Variants in CRIP2 observed in about 807,000 individuals in gnomAD.
CRIP2 encodes cysteine-rich protein 2.
CRIP2 carries 31 observed loss-of-function variants against 31.3 expected under a neutral mutation model. That is an observed-to-expected ratio of 0.99 (90% CI 0.74 to 1.34). CRIP2 has a LOEUF of 1.34. CRIP2 is among the 40% of genes most tolerant of loss of function. The pLI, the probability that CRIP2 is intolerant of heterozygous loss-of-function variation, is 0.00. For synonymous variants in CRIP2, 177 were observed against 127.2 expected (o/e 1.39, Z -2.63); for missense variants, 389 against 301.6 (o/e 1.29, Z -2.15).
In CRIP2 at chr14:105,479,979, A is replaced by G; in HGVS notation, c.*326A>G. 1 of 359,014 alleles carries G rather than the reference A, an allele frequency of 2.8e-6. No individual in the cohort carries two copies. Among genetic ancestry groups the G allele is most frequent in the Non-Finnish European group, 5.2e-6 (1 of 191,282 alleles). 22.2% of individuals were successfully genotyped at this position (359,014 alleles called of 1,614,324 possible). A position where few individuals can be genotyped will look rare whatever the true frequency, so the allele number is the denominator to read the frequency against. On this transcript the variant is annotated 3_prime_UTR_variant, in exon 8 of 8. Coordinates refer to ENST00000329146, the MANE Select transcript of CRIP2 (RefSeq NM_001312.4). ...GCTCTCCCTCTCCTGCTGCCCACCCACCTGCCAGTGTTATTTATGCTCCCT... is the reference window on the plus strand; with the variant it reads ...GCTCTCCCTCTCCTGCTGCCCACCCGCCTGCCAGTGTTATTTATGCTCCCT...
chr14:105,478,552 G>C lies in CRIP2; in HGVS notation c.196+45G>C. 1 of 1,583,586 alleles carries C rather than the reference G, an allele frequency of 6.3e-7. No homozygotes were observed. The highest frequency in any genetic ancestry group is 1.8e-5 in the Admixed American group (1 of 56,336). Reference sequence around the variant, plus strand: ...GGCCTGCCCTGGGACCTGCTGGGAGGGGCGTGGCGCTGGCGCTGGGGAGGG... The same window carrying C: ...GGCCTGCCCTGGGACCTGCTGGGAGCGGCGTGGCGCTGGCGCTGGGGAGGG... On this transcript the variant is annotated intron_variant, in intron 3 of 7. Coordinates refer to ENST00000329146, the MANE Select transcript of CRIP2 (RefSeq NM_001312.4). The surrounding 1 kb of genome is among the most constrained non-coding windows in gnomAD (Gnocchi z 4.9).
chr14:105,473,109 G>A, upstream of CRIP2: 1 of 1,068,170 alleles, frequency 9.4e-7, no homozygotes, highest in Non-Finnish European at 1.3e-6. Flanking sequence ...TCCCAAGCTG[G>A]GCAGAACAGG....
rs992210438 is a variant in CRIP2, at chr14:105,479,957, C to G, written c.*304C>G. The G allele has an allele frequency of 2.3e-6, 1 of 429,262 alleles. No individual in the cohort carries two copies. Among genetic ancestry groups the G allele is most frequent in the South Asian group, 2.6e-5 (1 of 38,202 alleles). The allele number at this position is 429,262 out of a possible 1,614,324, so 26.6% of individuals were successfully genotyped here. ...GCGTGTCCCCGTGGCGCTGTCCGCT[C>G]TCCCTCTCCTGCTGCCCACCCACCT... On this transcript the variant is annotated 3_prime_UTR_variant, in exon 8 of 8. Coordinates refer to ENST00000329146, the MANE Select transcript of CRIP2 (RefSeq NM_001312.4).
intron 1 of CRIP2, chr14:105,476,273 C>T: frequency 2.0e-6 from 2 of 985,546 alleles, no homozygotes; most frequent in Non-Finnish European, 2.4e-6. Context: ...GAAAGGCCTG[C>T]CTGCCTGGCC....
Position 105,478,432 on chromosome 14 carries a change from C to G in CRIP2, c.139-18C>G. On this transcript the variant is annotated intron_variant, in intron 2 of 7. Coordinates refer to ENST00000329146, the MANE Select transcript of CRIP2 (RefSeq NM_001312.4). The surrounding 1 kb of genome is among the most constrained non-coding windows in gnomAD (Gnocchi z 4.9). ...CGCCACCCTCAGGCAGGGTCCTGACCCGCGCCCCTCTGCGCAGCATGACGG... is the reference window on the plus strand; with the variant it reads ...CGCCACCCTCAGGCAGGGTCCTGACGCGCGCCCCTCTGCGCAGCATGACGG... 1 of 1,599,420 alleles carries G rather than the reference C, an allele frequency of 6.3e-7. No homozygotes were observed. Among genetic ancestry groups the G allele is most frequent in the Non-Finnish European group, 8.5e-7 (1 of 1,176,638 alleles).
Position 105,478,573 on chromosome 14 carries a change from G to A in CRIP2, c.196+66G>A. On this transcript the variant is annotated intron_variant, in intron 3 of 7. Coordinates refer to ENST00000329146, the MANE Select transcript of CRIP2 (RefSeq NM_001312.4). The surrounding 1 kb of genome is among the most constrained non-coding windows in gnomAD (Gnocchi z 4.9). ...GGAGGGGCGTGGCGCTGGCGCTGGG[G>A]AGGGCTGGGGGTCCCGGCCGCCGTG... 1 of 1,554,170 alleles carries A rather than the reference G, an allele frequency of 6.4e-7. No homozygotes were observed. The highest frequency in any genetic ancestry group is 8.7e-7 in the Non-Finnish European group (1 of 1,151,250).
intron 1 of CRIP2, among the ~76,000 whole-genome samples, chr14:105,475,159 G>T (rs1303830166): frequency 6.6e-6 from 1 of 151,960 alleles, no homozygotes; most frequent in Non-Finnish European, 1.5e-5. Flanking sequence ...ACCCGGGCGG[G>T]GCTTGTGGTG....
chr14:105,475,007 C>T lies in CRIP2; in HGVS notation c.43+102C>T, dbSNP rs1368464293. 7 of 1,276,314 alleles carry T rather than the reference C, an allele frequency of 5.5e-6. No homozygotes were observed. In the African/African-American group the frequency reaches 7.9e-5, roughly 14 times the overall value. 79.1% of individuals were successfully genotyped at this position (1,276,314 alleles called of 1,614,324 possible). On this transcript the variant is annotated intron_variant, in intron 1 of 7. Coordinates refer to ENST00000329146, the MANE Select transcript of CRIP2 (RefSeq NM_001312.4). ...GGCGTAACTCGGGGTGCGCCCGGCC[C>T]CGGCCCCGGACCGAGGATGCGCGTC... is the stretch of plus-strand genomic sequence containing the variant.
chr14:105,478,807 C>G lies in CRIP2; in HGVS notation c.273C>G (p.Ile91Met), dbSNP rs2084013991. 1 of 1,431,384 alleles carries G rather than the reference C, an allele frequency of 7.0e-7. No homozygotes were observed. Among genetic ancestry groups the G allele is most frequent in the Non-Finnish European group, 9.1e-7 (1 of 1,101,346 alleles). 88.7% of individuals were successfully genotyped at this position (1,431,384 alleles called of 1,614,324 possible). Residue 91 changes from isoleucine (I) to methionine (M), a missense_variant, in exon 4 of 8, where the codon ATC becomes ATG. Physicochemically the swap from Ile to Met is conservative, Grantham distance 10. Coordinates refer to ENST00000329146, the MANE Select transcript of CRIP2 (RefSeq NM_001312.4). This position sits in a 1 kb window ranked among gnomAD's most constrained non-coding sequence, Gnocchi z 4.9. ...LAEGPQVTGP[I>M]EVPAARAEER... Reference sequence around the variant, plus strand: ...AGGGGCCGCAGGTCACCGGCCCCATCGAGGTCCCCGCGGCCCGAGCAGAGG... The same window carrying G: ...AGGGGCCGCAGGTCACCGGCCCCATGGAGGTCCCCGCGGCCCGAGCAGAGG...
chr14:105,474,692 C>T (rs1419229465), upstream of CRIP2: 3 of 847,606 alleles, frequency 3.5e-6, no homozygotes, highest in African/African-American at 1.8e-5. This position sits in a 1 kb window ranked among gnomAD's most constrained non-coding sequence, Gnocchi z 5.1. Flanking sequence ...GTGCGCCCCG[C>T]CCCCGCGGCG....
chr14:105,478,204 GGGGGCGGAGGGGGTGC>G lies in CRIP2; in HGVS notation c.44-55_44-40del, dbSNP rs1390119947. On this transcript the variant is annotated intron_variant, in intron 1 of 7. Coordinates refer to ENST00000329146, the MANE Select transcript of CRIP2 (RefSeq NM_001312.4). This position sits in a 1 kb window ranked among gnomAD's most constrained non-coding sequence, Gnocchi z 4.9. ...CGCGTGGGGGTGGTGGCTGCCAGGT[GGGGGCGGAGGGGGTGC>G]GGGGCGCGCCCCGGCCCTGACCCCC... The G allele has an allele frequency of 7.6e-7, 1 of 1,319,104 alleles. No individual in the cohort carries two copies. The highest frequency in any genetic ancestry group is 1.6e-5 in the African/African-American group (1 of 63,972). The allele number at this position is 1,319,104 out of a possible 1,614,324, so 81.7% of individuals were successfully genotyped here.
chr14:105,479,061 C>G lies in CRIP2; in HGVS notation c.406+14C>G. 5 of 1,566,292 alleles carry G rather than the reference C, an allele frequency of 3.2e-6. No homozygotes were observed. The highest frequency in any genetic ancestry group is 4.3e-6 in the Non-Finnish European group (5 of 1,156,850). On this transcript the variant is annotated intron_variant, in intron 5 of 7. Coordinates refer to ENST00000329146, the MANE Select transcript of CRIP2 (RefSeq NM_001312.4). Reference sequence around the variant, plus strand: ...AGGTGTACTTCGGTGAGTGCGCGCCCGGGCCCCGGACCCCCGCCCCCGCCC... The same window carrying G: ...AGGTGTACTTCGGTGAGTGCGCGCCGGGGCCCCGGACCCCCGCCCCCGCCC...
intron 1 of CRIP2, among the ~76,000 whole-genome samples, chr14:105,477,848 TCC>T (rs2083976199): frequency 1.6e-5 from 1 of 61,394 alleles, no homozygotes; most frequent in African/African-American, 5.5e-5. Flanking sequence ...GAGGCGGGTG[TCC>T]GGGAGGCAGG....
rs782733323 is a variant in CRIP2, at chr14:105,478,396, G to T, written c.138+36G>T. ...CTGCGCGGCGCGGGCGGGGGCGGGGGTCGCGACTCCCGCCACCCTCAGGCA... is the reference window on the plus strand; with the variant it reads ...CTGCGCGGCGCGGGCGGGGGCGGGGTTCGCGACTCCCGCCACCCTCAGGCA... On this transcript the variant is annotated intron_variant, in intron 2 of 7. Transcript: ENST00000329146. The surrounding 1 kb of genome is among the most constrained non-coding windows in gnomAD (Gnocchi z 4.9). 3.8e-6 allele frequency: 6 copies of T among 1,576,458 alleles called. No homozygotes were observed. The Admixed American group carries it at 5.4e-5, about 14-fold the overall frequency.
In CRIP2 at chr14:105,478,602, C is replaced by T. The variant is rs2084007406; in HGVS notation, c.196+95C>T. 1 of 1,523,402 alleles carries T rather than the reference C, an allele frequency of 6.6e-7. No individual in the cohort carries two copies. The highest frequency in any genetic ancestry group is 8.8e-7 in the Non-Finnish European group (1 of 1,133,632). The allele number at this position is 1,523,402 out of a possible 1,614,324, so 94.4% of individuals were successfully genotyped here. A position where few individuals can be genotyped will look rare whatever the true frequency, so the allele number is the denominator to read the frequency against. ...GCTGGGGGTCCCGGCCGCCGTGGAT[C>T]CCCGCCCAGAGTCCCTGCCACCCTG... On this transcript the variant is annotated intron_variant, in intron 3 of 7. Coordinates refer to ENST00000329146, the MANE Select transcript of CRIP2 (RefSeq NM_001312.4). The surrounding 1 kb of genome is among the most constrained non-coding windows in gnomAD (Gnocchi z 4.9).
rs1436060197 is a variant in CRIP2 at position 105,478,811 on chromosome 14, G to GT, written c.278dup (p.Ala95ArgfsTer43). On this transcript the variant is annotated frameshift_variant, in exon 4 of 8. Transcript: ENST00000329146. LOFTEE classifies it high-confidence loss of function. The surrounding 1 kb of genome is among the most constrained non-coding windows in gnomAD (Gnocchi z 4.9). ...GCCGCAGGTCACCGGCCCCATCGAG[G>GT]TCCCCGCGGCCCGAGCAGAGGAGCG... is the stretch of plus-strand genomic sequence containing the variant. 2.1e-6 allele frequency: 3 copies of GT among 1,431,174 alleles called. No homozygotes were observed. The African/African-American group carries it at 4.5e-5, about 21-fold the overall frequency. 88.7% of individuals were successfully genotyped at this position (1,431,174 alleles called of 1,614,324 possible).
At chr14:105,474,711 CGGCCCCCAGCCCGG>C (rs2083894444), upstream of CRIP2, 1 of 978,620 alleles carries the variant, frequency 1.0e-6, no homozygotes, top group South Asian at 4.7e-5. The surrounding 1 kb of genome is among the most constrained non-coding windows in gnomAD (Gnocchi z 5.1). Context: ...CGCCCCCAGG[CGGCCCCCAGCCCGG>C]GGGACGGGTT....
chr14:105,476,301 G>C (rs2083931323), intron 1 of CRIP2: 1 of 985,420 alleles, frequency 1.0e-6, no homozygotes, highest in Admixed American at 6.1e-5. Context: ...CCTCTCAGCG[G>C]AAAACAAAGG....
chr14:105,479,239 G>T lies in CRIP2; in HGVS notation c.501+20G>T. On this transcript the variant is annotated intron_variant, in intron 6 of 7. Coordinates refer to ENST00000329146, the MANE Select transcript of CRIP2 (RefSeq NM_001312.4). Reference sequence around the variant, plus strand: ...GCGGAGGTGAGGGGAGTGCAACGGGGCTTGGGGGCCGGGCAGGGGCGCGGG... The same window carrying T: ...GCGGAGGTGAGGGGAGTGCAACGGGTCTTGGGGGCCGGGCAGGGGCGCGGG... 6.2e-7 allele frequency: 1 copy of T among 1,601,920 alleles called. No individual in the cohort carries two copies. The highest frequency in any genetic ancestry group is 8.5e-7 in the Non-Finnish European group (1 of 1,175,090).
Sources: gnomAD v4.1 joint callset for allele counts (sites outside exome capture counted in the v4.1 genomes callset) on GRCh38, gnomAD v4.1.1 for gene constraint, Gnocchi (gnomAD v3.1) non-coding constraint, MANE v1.5 for transcripts, NCBI Gene and HGNC (gene_info 2026-07-23, HGNC 2026-07-21) for gene names.